The following TACC3 variants were observed in gnomAD, a reference collection of about 807,000 sequenced individuals.
The protein encoded by TACC3 is transforming acidic coiled-coil containing protein 3, also known as transforming acidic coiled-coil-containing protein 3.
A neutral mutation model predicts 86.0 loss-of-function variants in TACC3; 52 were observed. The observed-to-expected ratio is 0.60, with a 90% CI of 0.48 to 0.76. The LOEUF (loss-of-function observed/expected upper bound fraction) is 0.76, where lower values mean the gene tolerates loss of function less well. Among genes scored for constraint, TACC3 ranks in the 30% least tolerant of loss-of-function variants. The probability of loss-of-function intolerance (pLI) is 0.00; values close to 1 mark genes in which losing one functional copy is unlikely to be tolerated. For synonymous variants in TACC3, 512 were observed against 430.0 expected (o/e 1.19, Z -2.36); for missense variants, 1,120 against 1,070.4 (o/e 1.05, Z -0.65).
intron 6 of TACC3, among the ~76,000 whole-genome samples, chr4:1,733,192 T>C (rs1025669724): frequency 1.3e-5 from 2 of 152,308 alleles, no homozygotes; most frequent in Middle Eastern, 6.8e-3. Flanking sequence ...CGAGCGTCTT[T>C]TTATGTGCTC....
intron 1 of TACC3, among the ~76,000 whole-genome samples, chr4:1,722,859 T>A (rs1717479945): frequency 6.6e-6 from 1 of 152,140 alleles, no homozygotes; most frequent in Admixed American, 6.5e-5. Flanking sequence ...TTCCCTTGTT[T>A]GCGCATCGTC....
At chr4:1,737,748 C>T (rs1467590229) in intron 10 of TACC3, 46 bp downstream of exon 10, 10 of 1,523,100 alleles carry the variant, frequency 6.6e-6, no homozygotes, top group African/African-American at 1.4e-5. Context: ...GCAGGCCGCT[C>T]TGGGGCTTGG....
intron 13 of TACC3, among the ~76,000 whole-genome samples, chr4:1,743,557 A>AT (rs1560329097): frequency 4.6e-5 from 1 of 21,544 alleles, no homozygotes; most frequent in African/African-American, 7.6e-5. Context: ...CGTCTAAAAA[A>AT]AAAAAACAGA....
intron 10 of TACC3, 37 bp downstream of exon 10, chr4:1,737,739 C>CCAA: frequency 6.5e-7 from 1 of 1,533,968 alleles, no homozygotes; most frequent in South Asian, 1.2e-5. Context: ...ACAGAACCTG[C>CCAA]AGGCCGCTCT....
chr4:1,730,151 G>A (rs1717928979), intron 4 of TACC3, among the ~76,000 whole-genome samples: 2 of 152,194 alleles, frequency 1.3e-5, no homozygotes, highest in African/African-American at 4.8e-5. Flanking sequence ...CCATTCTCCT[G>A]CCTCAGCCTC....
Position 1,735,382 on chromosome 4 carries a change from G to T in TACC3, c.1644+57G>T, listed in dbSNP as rs3752748. On this transcript the variant is annotated intron_variant, in intron 7 of 15. Transcript: ENST00000313288. The surrounding 1 kb of genome is among the most constrained non-coding windows in gnomAD (Gnocchi z 4.2). ...CCACAGGGTGTCCGAGAGCAGCCACGGCAGGTCTTGCCCCCGGAGCGTCCC... is the reference window on the plus strand; with the variant it reads ...CCACAGGGTGTCCGAGAGCAGCCACTGCAGGTCTTGCCCCCGGAGCGTCCC... 6.2e-7 allele frequency: 1 copy of T among 1,603,248 alleles called. No homozygotes were observed. The highest frequency in any genetic ancestry group is 1.1e-5 in the South Asian group (1 of 90,888).
At chr4:1,729,399 G>A (rs798761) in intron 4 of TACC3, among the ~76,000 whole-genome samples, 47,436 of 151,948 alleles carry the variant, frequency 0.31, 8,610 homozygotes, top group East Asian at 0.69. Flanking sequence ...ACCAAGGCAC[G>A]GAGATCGGTA....
chr4:1,730,234 G>A (rs1367686373), intron 4 of TACC3, among the ~76,000 whole-genome samples: 2 of 152,144 alleles, frequency 1.3e-5, no homozygotes, highest in Non-Finnish European at 2.9e-5. Context: ...TAGAGACGGG[G>A]TTTCACCGTG....
At chr4:1,744,417 G>T in intron 13 of TACC3, 101 bp from the exon 14 acceptor site, 1 of 1,093,120 alleles carries the variant, frequency 9.1e-7, no homozygotes, top group Non-Finnish European at 1.3e-6. Context: ...CACGGCTGAT[G>T]CCCCAGACAG....
rs192261142 is a variant in TACC3 at position 1,737,059 on chromosome 4, G to A, written c.1749-182G>A. Among the ~76,000 whole-genome samples the A allele has an allele frequency of 5.2e-3, 797 of 152,342 alleles. 16 individuals carry two copies. Among genetic ancestry groups the A allele is most frequent in the African/African-American group, 0.018 (759 of 41,584 alleles). On this transcript the variant is annotated intron_variant, in intron 8 of 15. Transcript: ENST00000313288. ...GTGGGATGGGCAGGTGAGGGAGGGG[G>A]GCACGGAGCAGCAGAGAGGCCGGGC...
chr4:1,744,981 G>T lies in TACC3; in HGVS notation c.2485G>T (p.Asp829Tyr), dbSNP rs763476598. 6.2e-7 allele frequency: 1 copy of T among 1,611,032 alleles called. No individual in the cohort carries two copies. The highest frequency in any genetic ancestry group is 8.5e-7 in the Non-Finnish European group (1 of 1,179,194). Residue 829 changes from aspartate to tyrosine, a missense_variant, in exon 16 of 16, where the codon GAC (aspartate) becomes TAC (tyrosine). Physicochemically the swap from Asp to Tyr is radical, Grantham distance 160. Coordinates refer to ENST00000313288, the MANE Select transcript of TACC3 (RefSeq NM_006342.3). Reference sequence around the variant, plus strand: ...GAACGAGGAGCTGACCAGGATCTGCGACGACCTCATCTCCAAGATGGAGAA... The same window carrying T: ...GAACGAGGAGCTGACCAGGATCTGCTACGACCTCATCTCCAAGATGGAGAA... ...KENEELTRIC[D>Y]DLISKMEKI
At chr4:1,736,555 G>A in intron 8 of TACC3, among the ~76,000 whole-genome samples, 1 of 152,056 alleles carries the variant, frequency 6.6e-6, no homozygotes, top group Non-Finnish European at 1.5e-5. Context: ...GCAAATTGTG[G>A]CAACTTTCAC....
rs538459947 is a variant in TACC3, at chr4:1,740,051, A to G, written c.2062+49A>G. 7.5e-5 allele frequency: 120 copies of G among 1,592,868 alleles called. 1 individual carries two copies. In the South Asian group the frequency reaches 1.1e-3, roughly 14 times the overall value. On this transcript the variant is annotated intron_variant, in intron 12 of 15. Transcript: ENST00000313288. ...CACGTGCCTCCACGAGGGGCTGCCT[A>G]TGCCCCACCCTGGCCCTGCCCTGCA...
In TACC3 at chr4:1,735,620, A is replaced by T; in HGVS notation, c.1645-111A>T. On this transcript the variant is annotated intron_variant, in intron 7 of 15. Transcript: ENST00000313288. This position sits in a 1 kb window ranked among gnomAD's most constrained non-coding sequence, Gnocchi z 4.2. ...AGGGTTGTGGGTGACCGGGGGTGGG[A>T]GTGTGCGGGTGACCGGGGGTGGGAG... 1.2e-6 allele frequency: 1 copy of T among 846,148 alleles called. No homozygotes were observed. Among genetic ancestry groups the T allele is most frequent in the Non-Finnish European group, 2.0e-6 (1 of 511,156 alleles). 52.4% of individuals were successfully genotyped at this position (846,148 alleles called of 1,614,324 possible). A position where few individuals can be genotyped will look rare whatever the true frequency, so the allele number is the denominator to read the frequency against.
At chr4:1,739,230 C>G (rs1718439647) in intron 10 of TACC3, 1 of 155,842 alleles carries the variant, frequency 6.4e-6, no homozygotes, top group African/African-American at 2.4e-5. Context: ...ATGGCTTGAA[C>G]CCGGGAGGCG....
intron 10 of TACC3, chr4:1,739,487 T>C: frequency 1.7e-6 from 1 of 583,576 alleles, no homozygotes; most frequent in Non-Finnish European, 3.0e-6. Context: ...GCCAGCAGCC[T>C]CATGCCTCCT....
chr4:1,721,948 C>G (rs940434463), intron 1 of TACC3: 1 of 152,308 alleles, frequency 6.6e-6, no homozygotes, highest in Non-Finnish European at 1.5e-5. Flanking sequence ...TCTCCTGTCT[C>G]TCGGTCGCCC....
Position 1,744,767 on chromosome 4 carries a change from C to A in TACC3, c.2386C>A (p.Leu796Ile). Residue 796 changes from leucine (L) to isoleucine (I), a missense_variant, in exon 15 of 16, where the codon CTC becomes ATC. Coordinates refer to ENST00000313288, the MANE Select transcript of TACC3 (RefSeq NM_006342.3). ...CAAGGCCCAGGCGGAAGCGTTGGCC[C>A]TCCAGGCCAGCCTGAGGAAGGAGCA... Reference protein sequence around the residue: ...RSKAQAEALALQASLRKEQMR... With the variant: ...RSKAQAEALAIQASLRKEQMR... 1 of 1,612,770 alleles carries A rather than the reference C, an allele frequency of 6.2e-7. No homozygotes were observed. Among genetic ancestry groups the A allele is most frequent in the South Asian group, 1.1e-5 (1 of 91,088 alleles).
intron 3 of TACC3, among the ~76,000 whole-genome samples, chr4:1,726,561 A>T (rs544693479): frequency 2.0e-5 from 3 of 152,366 alleles, no homozygotes; most frequent in Non-Finnish European, 2.9e-5. Flanking sequence ...CACGCAGATT[A>T]AAGTGTTATC....
Sources: allele counts gnomAD v4.1 joint callset (sites outside exome capture counted in the v4.1 genomes callset), GRCh38; gene constraint gnomAD v4.1.1; non-coding constraint Gnocchi (gnomAD v3.1); transcripts MANE v1.5; gene names NCBI Gene and HGNC (gene_info 2026-07-23, HGNC 2026-07-21).